The following NCOA2 variants were observed in gnomAD, a reference collection of about 807,000 sequenced individuals.
NCOA2 encodes class E basic helix-loop-helix protein 75.
Under a neutral mutation model 145.1 loss-of-function variants are expected in NCOA2, and 21 were observed. The ratio of observed to expected loss-of-function variants is 0.14; its 90% confidence interval spans 0.10 to 0.21. The LOEUF is 0.21. Ranked by LOEUF, NCOA2 falls within the 10% of genes least tolerant of loss-of-function variation. The pLI is 1.00. For missense variants in NCOA2, 1,472 were observed against 1,837.6 expected (o/e 0.80, Z 3.64); for synonymous variants, 619 against 637.5 (o/e 0.97, Z 0.44).
chr8:70,404,230 A>T (rs1291833988), upstream of NCOA2, among the ~76,000 whole-genome samples: 1 of 152,212 alleles, frequency 6.6e-6, no homozygotes, highest in African/African-American at 2.4e-5. Context: ...AACTGAAGAG[A>T]GAGTCAACAG....
intron 1 of NCOA2, among the ~76,000 whole-genome samples, chr8:70,329,614 G>A (rs1361426918): frequency 1.3e-5 from 2 of 152,042 alleles, no homozygotes; most frequent in South Asian, 2.1e-4. Context: ...ACACAAATAG[G>A]AATGTTCACA....
At chr8:70,345,008 C>A (rs1006766321) in intron 1 of NCOA2, among the ~76,000 whole-genome samples, 5 of 152,122 alleles carry the variant, frequency 3.3e-5, no homozygotes, top group African/African-American at 1.2e-4. Flanking sequence ...TGTCCAAATT[C>A]CTCAATCACG....
chr8:70,157,019 T>C lies in NCOA2; in HGVS notation c.1346A>G (p.His449Arg), dbSNP rs1191368859. 2 of 1,614,052 alleles carry C rather than the reference T, an allele frequency of 1.2e-6. No homozygotes were observed. The highest frequency in any genetic ancestry group is 2.2e-5 in the East Asian group (1 of 44,876). Residue 449 changes from histidine (H) to arginine (R), a missense_variant, in exon 11 of 23, where the codon CAT (histidine) becomes CGT (arginine). By Grantham distance (29) the His-to-Arg change is conservative. Around this residue, in one of 4 missense-constraint regions of NCOA2, gnomAD observed 953 missense variants for 1,062.1 expected, o/e 0.90. Coordinates refer to ENST00000452400, the MANE Select transcript of NCOA2 (RefSeq NM_006540.4). ...AGTGGTTGCTTGCATGCCTGACACATGGTTCATTCCCCCAGAACCACCAAA... is the reference window on the plus strand; with the variant it reads ...AGTGGTTGCTTGCATGCCTGACACACGGTTCATTCCCCCAGAACCACCAAA... ...GRFGGSGGMN[H>R]VSGMQATTPQ... is the part of the protein sequence containing the mutation.
At chr8:70,121,852 G>A (rs1276168161) in intron 21 of NCOA2, among the ~76,000 whole-genome samples, 1 of 152,194 alleles carries the variant, frequency 6.6e-6, no homozygotes, top group Non-Finnish European at 1.5e-5. Flanking sequence ...AATTTACTCT[G>A]ACCAAATGGA....
chr8:70,308,623 T>C (rs558459022), intron 1 of NCOA2, among the ~76,000 whole-genome samples: 4 of 152,304 alleles, frequency 2.6e-5, no homozygotes, highest in Admixed American at 2.6e-4. Context: ...GAACTCCCAA[T>C]TGGGAAGTTC....
At chr8:70,144,570 G>C in intron 13 of NCOA2, 72 bp downstream of exon 13, 1 of 1,250,184 alleles carries the variant, frequency 8.0e-7, no homozygotes, top group South Asian at 1.3e-5. Flanking sequence ...AATTCTACTA[G>C]TTTGATGTGG....
At chr8:70,129,096 T>G in intron 16 of NCOA2, 116 bp from the exon 17 acceptor site, 1 of 986,918 alleles carries the variant, frequency 1.0e-6, no homozygotes, top group East Asian at 2.6e-5. Flanking sequence ...CTTTTTAATA[T>G]TATACTTACT....
chr8:70,179,434 A>G (rs1815231220), intron 4 of NCOA2, among the ~76,000 whole-genome samples: 1 of 152,104 alleles, frequency 6.6e-6, no homozygotes, highest in South Asian at 2.1e-4. Context: ...AGAAGGGAGG[A>G]AGGGAGGAGG....
chr8:70,188,976 C>T (rs1394893274), intron 4 of NCOA2, among the ~76,000 whole-genome samples: 1 of 152,162 alleles, frequency 6.6e-6, no homozygotes, highest in Non-Finnish European at 1.5e-5. Context: ...TAGAATAAAA[C>T]ATGAATACTA....
chr8:70,434,086 T>C, the NCOA2 span, among the ~76,000 whole-genome samples: 2 of 152,146 alleles, frequency 1.3e-5, no homozygotes, highest in Non-Finnish European at 1.5e-5. Context: ...CTGGGTCTAA[T>C]GAATAAATAA....
intron 2 of NCOA2, among the ~76,000 whole-genome samples, chr8:70,260,435 T>A (rs1357810644): frequency 6.6e-6 from 1 of 152,194 alleles, no homozygotes; most frequent in Non-Finnish European, 1.5e-5. Context: ...CACGTCTGGC[T>A]GGAAATGAGT....
At chr8:70,173,775 C>T (rs754513087) in intron 5 of NCOA2, among the ~76,000 whole-genome samples, 11 of 152,144 alleles carry the variant, frequency 7.2e-5, no homozygotes, top group East Asian at 1.9e-4. Context: ...GCCCCCCCTC[C>T]GCCCTGCCCC....
chr8:70,274,205 GAA>G (rs201704083), intron 2 of NCOA2, among the ~76,000 whole-genome samples: 179 of 112,144 alleles, frequency 1.6e-3, no homozygotes, highest in African/African-American at 4.9e-3. Context: ...CTCATGTTTG[GAA>G]AAAAAAAAAA....
intron 14 of NCOA2, among the ~76,000 whole-genome samples, chr8:70,140,636 G>A (rs975923776): frequency 1.1e-4 from 12 of 112,936 alleles, no homozygotes; most frequent in Non-Finnish European, 8.2e-5. Flanking sequence ...GTCTTGCTCT[G>A]TTGCCCAGGC....
Position 70,148,457 on chromosome 8 carries a change from C to T in NCOA2, c.2421G>A (p.Glu807=). 1 of 1,613,386 alleles carries T rather than the reference C, an allele frequency of 6.2e-7. No homozygotes were observed. ...TATTCTGCAAATCATCCAAAATCTCCTCCAAGTTGTCCAGCTCACTGCCAG... is the reference window on the plus strand; with the variant it reads ...TATTCTGCAAATCATCCAAAATCTCTTCCAAGTTGTCCAGCTCACTGCCAG... The part of the protein sequence containing the change: ...DQPGSELDNL[E]EILDDLQNSQ... Residue 807 remains glutamate, a synonymous_variant, in exon 12 of 23, where the codon GAG becomes GAA. Coordinates refer to ENST00000452400, the MANE Select transcript of NCOA2 (RefSeq NM_006540.4).
chr8:70,266,487 TA>T (rs1318719656), intron 2 of NCOA2, among the ~76,000 whole-genome samples: 2 of 152,226 alleles, frequency 1.3e-5, no homozygotes, highest in African/African-American at 4.8e-5. Context: ...CGGTTATTTC[TA>T]ACTGTACCTT....
rs549395867 is a variant in NCOA2 at position 70,312,735 on chromosome 8, CTTT to C, written c.-76-15938_-76-15936del. The stretch of plus-strand genomic sequence containing the variant: ...TTGTACATTTAACACGACAGTGTCC[CTTT>C]TTTCATTTCCTGAAAAGCTGTTGAC... On this transcript the variant is annotated intron_variant, in intron 1 of 22. Coordinates refer to ENST00000452400, the MANE Select transcript of NCOA2 (RefSeq NM_006540.4). Among the ~76,000 whole-genome samples the C allele has an allele frequency of 2.1e-4, 32 of 152,230 alleles. No homozygotes were observed. The South Asian group carries it at 6.6e-3, about 32-fold the overall frequency.
At chr8:70,261,745 TG>T (rs956511335) in intron 2 of NCOA2, among the ~76,000 whole-genome samples, 1 of 152,102 alleles carries the variant, frequency 6.6e-6, no homozygotes, top group African/African-American at 2.4e-5. Flanking sequence ...GACATTTTAC[TG>T]GGAAATGCCA....
At chr8:70,260,800 C>T (rs57639721) in intron 2 of NCOA2, among the ~76,000 whole-genome samples, 1,666 of 152,220 alleles carry the variant, frequency 0.011, 32 homozygotes, top group African/African-American at 0.039. Context: ...ACTGTCTGAA[C>T]AGACACTTCT....
Sources: allele counts gnomAD v4.1 joint callset (sites outside exome capture counted in the v4.1 genomes callset), GRCh38; gene constraint gnomAD v4.1.1; regional missense constraint gnomAD v4.1.1; transcripts MANE v1.5; gene names NCBI Gene and HGNC (gene_info 2026-07-23, HGNC 2026-07-21).